AMOT: variants seen among roughly 807,000 people sequenced by gnomAD.
AMOT encodes the protein angiomotin.
AMOT carries 11 observed loss-of-function variants against 67.0 expected under a neutral mutation model. The observed-to-expected ratio is 0.16, with a 90% CI of 0.10 to 0.27. AMOT has a LOEUF of 0.27. AMOT is among the 10% of genes least tolerant of loss of function. AMOT has a pLI of 1.00. For missense variants in AMOT, 753 were observed against 852.0 expected (o/e 0.88, Z 1.45); for synonymous variants, 326 against 321.4 (o/e 1.01, Z -0.15).
rs1481796345 is a variant in AMOT, at chrX:112,775,156, C to G, written c.*3411G>C. 8.9e-6 allele frequency: 1 copy of G among 112,240 alleles called. No homozygotes were observed. Among genetic ancestry groups the G allele is most frequent in the Non-Finnish European group, 1.9e-5 (1 of 53,263 alleles). The allele number at this position is 112,240 out of a possible 1,213,427, so 9.2% of individuals were successfully genotyped here. A position where few individuals can be genotyped will look rare whatever the true frequency, so the allele number is the denominator to read the frequency against. On this transcript the variant is annotated 3_prime_UTR_variant, in exon 14 of 14. Transcript: ENST00000371959. ...TTGCTACTGGAAAAAAATAAACAAA[C>G]TCCCGACACTTGTCCTACTGATGAT...
chrX:112,792,489 G>A (rs1933646736), intron 8 of AMOT, among the ~76,000 whole-genome samples: 1 of 112,408 alleles, frequency 8.9e-6, no homozygotes, highest in African/African-American at 3.2e-5. Context: ...GAAAAAGGGT[G>A]ATCAACTGCT....
At chrX:112,838,959 C>T (rs1935211679) in intron 1 of AMOT, among the ~76,000 whole-genome samples, 1 of 112,500 alleles carries the variant, frequency 8.9e-6, no homozygotes, top group Non-Finnish European at 1.9e-5. Context: ...TACTCTACAA[C>T]CACCTGGCTG....
At chrX:112,830,595 T>G (rs1160436970) in intron 2 of AMOT, among the ~76,000 whole-genome samples, 1 of 111,889 alleles carries the variant, frequency 8.9e-6, no homozygotes, top group Non-Finnish European at 1.9e-5. Flanking sequence ...TAATGAAAAA[T>G]TCTCCCGCTC....
intron 6 of AMOT, among the ~76,000 whole-genome samples, chrX:112,810,600 C>T (rs745788729): frequency 1.8e-5 from 2 of 110,268 alleles, no homozygotes; most frequent in African/African-American, 6.6e-5. Context: ...CAGCCAGCTA[C>T]TCAGGAGGCT....
chrX:112,783,654 A>G (rs759228581), intron 10 of AMOT, among the ~76,000 whole-genome samples: 1 of 110,522 alleles, frequency 9.0e-6, no homozygotes, highest in African/African-American at 3.3e-5. Flanking sequence ...AAAGTGTCTC[A>G]GGCCATTAAC....
intron 8 of AMOT, among the ~76,000 whole-genome samples, chrX:112,794,809 C>A (rs760360423): frequency 9.0e-6 from 1 of 111,708 alleles, no homozygotes; most frequent in African/African-American, 3.2e-5. Flanking sequence ...GTGGTTTGTT[C>A]TTTTTTAGAG....
intron 1 of AMOT, among the ~76,000 whole-genome samples, chrX:112,839,648 T>C (rs1935238878): frequency 1.8e-5 from 2 of 111,466 alleles, no homozygotes; most frequent in African/African-American, 3.3e-5. Flanking sequence ...AGTCCCTTTA[T>C]GCAAATTATT....
In AMOT at chrX:112,791,104, G is replaced by A. The variant is rs191388577; in HGVS notation, c.1927-322C>T. On this transcript the variant is annotated intron_variant, in intron 9 of 13. Transcript: ENST00000371959. ...AATGGGAATTTAAAAATCTGGCCGG[G>A]CATGGTGGCTCACACCTGTAATCCC... Among the ~76,000 whole-genome samples the A allele has an allele frequency of 5.5e-3, 614 of 110,936 alleles. 1 individual carries two copies. The highest frequency in any genetic ancestry group is 0.019 in the African/African-American group (576 of 30,445).
intron 8 of AMOT, among the ~76,000 whole-genome samples, chrX:112,796,641 C>T (rs1442166561): frequency 8.9e-6 from 1 of 111,994 alleles, no homozygotes; most frequent in Non-Finnish European, 1.9e-5. Flanking sequence ...TACTCCCTGG[C>T]TTGATCTTTA....
Position 112,837,993 on chromosome X carries a change from C to T in AMOT, c.-289+2459G>A, listed in dbSNP as rs1251665777. Among the ~76,000 whole-genome samples, 3 of 111,772 alleles carry T rather than the reference C, an allele frequency of 2.7e-5. No individual in the cohort carries two copies. In the East Asian group the frequency reaches 8.4e-4, roughly 31 times the overall value. ...CTCCCCACCCCTTTCAGTGTTTAAGCTGGGCTTAATGGGTGCAAAGGACAA... is the reference window on the plus strand; with the variant it reads ...CTCCCCACCCCTTTCAGTGTTTAAGTTGGGCTTAATGGGTGCAAAGGACAA... On this transcript the variant is annotated intron_variant, in intron 1 of 13. Coordinates refer to ENST00000371959, the MANE Select transcript of AMOT (RefSeq NM_001113490.2).
rs767212184 is a variant in AMOT, at chrX:112,814,486, C to A, written c.1392+872G>T. ...CCACCTTCACCCTCACCTCTCTGAA[C>A]AGTTCACATTGTAGGGAGACCAAAC... On this transcript the variant is annotated intron_variant, in intron 5 of 13. Transcript: ENST00000371959. 2.8e-5 allele frequency among the ~76,000 whole-genome samples: 3 copies of A among 107,865 alleles called. No individual in the cohort carries two copies. In the East Asian group the frequency reaches 8.8e-4, roughly 32 times the overall value. 93.7% of individuals were successfully genotyped at this position (107,865 alleles called of 115,157 possible).
intron 4 of AMOT, 110 bp from the exon 5 acceptor site, chrX:112,815,987 A>C (rs768472777): frequency 9.7e-7 from 1 of 1,030,329 alleles, no homozygotes; most frequent in East Asian, 3.3e-5. Context: ...GGACACCTGC[A>C]AAATGAAGAG....
At chrX:112,834,118 A>G (rs925259347) in intron 1 of AMOT, among the ~76,000 whole-genome samples, 11 of 111,939 alleles carry the variant, frequency 9.8e-5, no homozygotes, top group African/African-American at 3.6e-4. Flanking sequence ...TTTCTCTTCA[A>G]TGCTGTTAAC....
rs1181629849 is a variant in AMOT at position 112,803,575 on chromosome X, A to T, written c.1776+1372T>A. On this transcript the variant is annotated intron_variant, in intron 8 of 13. Coordinates refer to ENST00000371959, the MANE Select transcript of AMOT (RefSeq NM_001113490.2). ...TGATTTTATACTACCTGGAGTTGAT[A>T]TTCTAGCAAGTCAGGCTAAGGGATA... 2.7e-5 allele frequency among the ~76,000 whole-genome samples: 3 copies of T among 112,336 alleles called. No individual in the cohort carries two copies. The East Asian group carries it at 8.4e-4, about 31-fold the overall frequency.
At chrX:112,806,334 ATG>A (rs1491252727) in intron 7 of AMOT, among the ~76,000 whole-genome samples, 2 of 99,369 alleles carry the variant, frequency 2.0e-5, no homozygotes, top group Non-Finnish European at 2.0e-5. Context: ...TTTTATACAT[ATG>A]TATATATACA....
At chrX:112,799,338 T>C (rs1338868877) in intron 8 of AMOT, among the ~76,000 whole-genome samples, 2 of 112,178 alleles carry the variant, frequency 1.8e-5, no homozygotes, top group Non-Finnish European at 3.8e-5. Context: ...GGACAGACTA[T>C]TAATACCAGC....
intron 8 of AMOT, among the ~76,000 whole-genome samples, chrX:112,797,371 T>A (rs1446552760): frequency 1.8e-5 from 2 of 111,338 alleles, no homozygotes; most frequent in African/African-American, 6.5e-5. Context: ...GCTCTCCCGA[T>A]CTATACACAC....
chrX:112,778,885 G>A (rs768455480), intron 13 of AMOT, 112 bp downstream of exon 13: 17 of 856,651 alleles, frequency 2.0e-5, no homozygotes, highest in African/African-American at 1.6e-4. Flanking sequence ...CCTTTAGAAC[G>A]TGAAAAACTC....
In AMOT at chrX:112,782,603, C is replaced by T. The variant is rs762949054; in HGVS notation, c.2177G>A (p.Arg726His). The T allele has an allele frequency of 4.1e-6, 5 of 1,211,333 alleles. No homozygotes were observed. The highest frequency in any genetic ancestry group is 4.3e-5 in the Admixed American group (2 of 46,001). The change falls in exon 11 of 14, where the codon CGC (arginine) becomes CAC (histidine). Residue 726 changes from arginine to histidine, a missense_variant. Physicochemically the swap from Arg to His is conservative, Grantham distance 29 (BLOSUM62 0). Around this residue, in one of 5 missense-constraint regions of AMOT, gnomAD observed 269 missense variants for 300.9 expected, o/e 0.89. Coordinates refer to ENST00000371959, the MANE Select transcript of AMOT (RefSeq NM_001113490.2). ...NTSYDTALEA[R>H]IQKEEEEILM... ...GATTTCTTCCTCCTCTTTCTGGATGCGAGCTTCTAGAGCTGTGTCATAGCT... is the reference window on the plus strand; with the variant it reads ...GATTTCTTCCTCCTCTTTCTGGATGTGAGCTTCTAGAGCTGTGTCATAGCT...
Sources: allele counts gnomAD v4.1 joint callset (sites outside exome capture counted in the v4.1 genomes callset), GRCh38; gene constraint gnomAD v4.1.1; regional missense constraint gnomAD v4.1.1; transcripts MANE v1.5; gene names NCBI Gene and HGNC (gene_info 2026-07-23, HGNC 2026-07-21).